Variants in FYN observed in about 807,000 individuals in gnomAD.
FYN encodes the protein FYN proto-oncogene, Src family tyrosine kinase, also known as tyrosine-protein kinase Fyn.
A neutral mutation model predicts 70.2 loss-of-function variants in FYN; 10 were observed. The ratio of observed to expected loss-of-function variants is 0.14; its 90% CI spans 0.09 to 0.24. The LOEUF is 0.24. Ranked by LOEUF, FYN falls within the 10% of genes least tolerant of loss-of-function variation. The probability of loss-of-function intolerance (pLI) is 1.00; values close to 1 mark genes in which losing one functional copy is unlikely to be tolerated. For missense variants in FYN, 319 were observed against 673.1 expected, an observed-to-expected ratio of 0.47 and a Z score of 5.82; for synonymous variants, 236 against 248.6, an observed-to-expected ratio of 0.95 and a Z score of 0.48.
intron 3 of FYN, among the ~76,000 whole-genome samples, chr6:111,742,780 T>C (rs1562500536): frequency 6.6e-6 from 1 of 152,214 alleles, no homozygotes; most frequent in Non-Finnish European, 1.5e-5. Context: ...AACTAGTTAT[T>C]GCTCCATTCC....
chr6:111,662,372 A>G (rs1293870275), intron 13 of FYN, among the ~76,000 whole-genome samples: 2 of 152,192 alleles, frequency 1.3e-5, no homozygotes, highest in Non-Finnish European at 2.9e-5. Context: ...TTCCTGTAAA[A>G]GGCCAGACAG....
At chr6:111,830,898 A>G (rs1772995839) in intron 2 of FYN, among the ~76,000 whole-genome samples, 1 of 151,408 alleles carries the variant, frequency 6.6e-6, no homozygotes, top group African/African-American at 2.4e-5. Flanking sequence ...ATATATAAAG[A>G]TGGATTTGTA....
intron 1 of FYN, among the ~76,000 whole-genome samples, chr6:111,869,339 A>C (rs1774205561): frequency 6.6e-6 from 1 of 152,190 alleles, no homozygotes. Context: ...AAGGAGTTTC[A>C]CCTCTCAGGC....
At chr6:111,861,475 T>A (rs181244421) in intron 1 of FYN, among the ~76,000 whole-genome samples, 78 of 152,280 alleles carry the variant, frequency 5.1e-4, no homozygotes, top group African/African-American at 1.8e-3. Context: ...AGACGGCGTA[T>A]GGTTAAGCAA....
At chr6:111,734,353 C>T (rs1488980825) in intron 3 of FYN, among the ~76,000 whole-genome samples, 1 of 152,128 alleles carries the variant, frequency 6.6e-6, no homozygotes, top group Non-Finnish European at 1.5e-5. Flanking sequence ...TGAGAAGGTA[C>T]ATTATGAGAG....
At chr6:111,680,400 C>T (rs1343520502) in intron 12 of FYN, among the ~76,000 whole-genome samples, 1 of 152,188 alleles carries the variant, frequency 6.6e-6, no homozygotes, top group African/African-American at 2.4e-5. Context: ...AGATGGGGTA[C>T]AAGGACAGAT....
intron 3 of FYN, among the ~76,000 whole-genome samples, chr6:111,762,794 TAA>T (rs879483968): frequency 7.0e-6 from 1 of 142,866 alleles, no homozygotes. Flanking sequence ...GTGATGAGCT[TAA>T]AAAAAAAAAA....
At chr6:111,758,141 C>T (rs768585410) in intron 3 of FYN, among the ~76,000 whole-genome samples, 2 of 152,092 alleles carry the variant, frequency 1.3e-5, no homozygotes, top group East Asian at 3.8e-4. Context: ...AGATAGTAGA[C>T]TGATTTTCTG....
At chr6:111,761,013 G>A (rs1008991923) in intron 3 of FYN, among the ~76,000 whole-genome samples, 1 of 152,192 alleles carries the variant, frequency 6.6e-6, no homozygotes, top group Non-Finnish European at 1.5e-5. Context: ...ACATCTTGGA[G>A]AGCAGGCAGT....
At chr6:111,666,310 G>C (rs1003669153) in intron 13 of FYN, among the ~76,000 whole-genome samples, 1 of 152,164 alleles carries the variant, frequency 6.6e-6, no homozygotes, top group Non-Finnish European at 1.5e-5. Context: ...CTGGCCAGTG[G>C]TGTCTGACTG....
chr6:111,836,313 C>T (rs1472860139), intron 2 of FYN, among the ~76,000 whole-genome samples: 1 of 152,174 alleles, frequency 6.6e-6, no homozygotes, highest in Non-Finnish European at 1.5e-5. Flanking sequence ...CGAATCTCAG[C>T]TGAGATATGG....
rs994519667 is a variant in FYN at position 111,802,804 on chromosome 6, A to T, written c.-81-22169T>A. The stretch of plus-strand genomic sequence containing the variant: ...AAAAAAAAAAAAATTCATTGGATTT[A>T]CAATGCAGCATCTTATTCCTTTGTG... On this transcript the variant is annotated intron_variant, in intron 2 of 13. Transcript: ENST00000354650. 1.7e-4 allele frequency among the ~76,000 whole-genome samples: 26 copies of T among 152,128 alleles called. 1 individual carries two copies. Among genetic ancestry groups the T allele is most frequent in the African/African-American group, 6.0e-4 (25 of 41,430 alleles).
chr6:111,813,638 A>C (rs1266318115), intron 2 of FYN, among the ~76,000 whole-genome samples: 1 of 152,242 alleles, frequency 6.6e-6, no homozygotes, highest in African/African-American at 2.4e-5. Context: ...TTGCAGACTT[A>C]AATCAGCTAC....
chr6:111,839,353 C>T (rs921111723), intron 2 of FYN, among the ~76,000 whole-genome samples: 2 of 152,066 alleles, frequency 1.3e-5, no homozygotes, highest in Non-Finnish European at 2.9e-5. Context: ...ATCCAGATCT[C>T]CTATGTAGCA....
intron 2 of FYN, chr6:111,793,480 A>G (rs956460227): frequency 1.1e-4 from 17 of 152,206 alleles, no homozygotes; most frequent in African/African-American, 3.4e-4. Context: ...TAGGCACTCA[A>G]CATTGCTCTT....
chr6:111,808,685 G>C (rs979372856), intron 2 of FYN, among the ~76,000 whole-genome samples: 10 of 152,162 alleles, frequency 6.6e-5, no homozygotes, highest in Non-Finnish European at 1.2e-4. Context: ...GACGCCAGGT[G>C]CAAAACTTCA....
At chr6:111,749,064 C>T (rs1393404298) in intron 3 of FYN, among the ~76,000 whole-genome samples, 3 of 152,158 alleles carry the variant, frequency 2.0e-5, no homozygotes, top group Admixed American at 2.0e-4. Context: ...TGCTGGTTAC[C>T]TAAGGTAAAC....
chr6:111,756,402 T>C (rs1007201998), intron 3 of FYN, among the ~76,000 whole-genome samples: 1 of 147,116 alleles, frequency 6.8e-6, no homozygotes, highest in Non-Finnish European at 1.5e-5. Context: ...CAGATGGTTT[T>C]AGAGAAAAAA....
chr6:111,837,531 C>T (rs931290453), intron 2 of FYN, among the ~76,000 whole-genome samples: 3 of 152,074 alleles, frequency 2.0e-5, no homozygotes, highest in East Asian at 3.9e-4. Flanking sequence ...ATCCACTCGA[C>T]GTCAAAGTTG....
Sources: allele counts gnomAD v4.1 joint callset (sites outside exome capture counted in the v4.1 genomes callset), GRCh38; gene constraint gnomAD v4.1.1; transcripts MANE v1.5; gene names NCBI Gene and HGNC (gene_info 2026-07-23, HGNC 2026-07-21).